ANKRD30A: variants seen among roughly 807,000 people sequenced by gnomAD.
ANKRD30A encodes the protein ankyrin repeat domain 30A.
In ANKRD30A, 170 loss-of-function variants were observed where a neutral mutation model predicts 166.3. The ratio of observed to expected loss-of-function variants is 1.02; its 90% CI spans 0.90 to 1.16. The LOEUF is 1.16. ANKRD30A is among the 50% of genes most tolerant of loss of function. The probability of loss-of-function intolerance (pLI) is 0.00; values close to 1 mark genes in which losing one functional copy is unlikely to be tolerated. For missense variants in ANKRD30A, 1,630 were observed against 1,518.0 expected (o/e 1.07, Z -1.23); for synonymous variants, 564 against 508.9 (o/e 1.11, Z -1.46).
chr10:37,242,405 A>G, the ANKRD30A span, among the ~76,000 whole-genome samples: 1 of 151,976 alleles, frequency 6.6e-6, no homozygotes, highest in Non-Finnish European at 1.5e-5. Context: ...CTCCTCTGTC[A>G]TGTTATTTTT....
chr10:37,157,647 A>T (rs566563407), intron 13 of ANKRD30A, among the ~76,000 whole-genome samples: 44 of 152,322 alleles, frequency 2.9e-4, no homozygotes, highest in African/African-American at 1.0e-3. Context: ...TGCTGGAATT[A>T]CAGGCATGAG....
intron 34 of ANKRD30A, among the ~76,000 whole-genome samples, chr10:37,221,473 A>C (rs931379228): frequency 6.6e-6 from 1 of 151,214 alleles, no homozygotes; most frequent in Non-Finnish European, 1.5e-5. Context: ...ATCAAAAGTC[A>C]AGTATGCATT....
At chr10:37,192,503 A>T (rs2490109) in intron 25 of ANKRD30A, among the ~76,000 whole-genome samples, 7 of 152,190 alleles carry the variant, frequency 4.6e-5, no homozygotes, top group East Asian at 3.9e-4. Flanking sequence ...TATAAGTAGA[A>T]ATGCTGCTAA....
intron 32 of ANKRD30A, 64 bp downstream of exon 32, chr10:37,216,458 T>C: frequency 2.8e-6 from 4 of 1,437,030 alleles, no homozygotes; most frequent in East Asian, 4.6e-5. Flanking sequence ...TAGGATACTT[T>C]TTGTAATAGC....
intron 1 of ANKRD30A, among the ~76,000 whole-genome samples, chr10:37,128,491 A>G (rs1836182211): frequency 6.6e-6 from 1 of 151,972 alleles, no homozygotes; most frequent in Non-Finnish European, 1.5e-5. Flanking sequence ...TTTTTATTAT[A>G]TATAGATTTA....
intron 12 of ANKRD30A, among the ~76,000 whole-genome samples, chr10:37,152,657 A>G (rs1265863248): frequency 6.6e-6 from 1 of 152,150 alleles, no homozygotes; most frequent in Non-Finnish European, 1.5e-5. Context: ...TTGTGGGAGT[A>G]TAATAACAAG....
Position 37,125,774 on chromosome 10 carries a change from A to T in ANKRD30A, c.-14A>T. 3.2e-6 allele frequency: 2 copies of T among 625,554 alleles called. No individual in the cohort carries two copies. Among genetic ancestry groups the T allele is most frequent in the Non-Finnish European group, 5.7e-6 (2 of 349,226 alleles). The allele number at this position is 625,554 out of a possible 1,614,324, so 38.8% of individuals were successfully genotyped here. A position where few individuals can be genotyped will look rare whatever the true frequency, so the allele number is the denominator to read the frequency against. On this transcript the variant is annotated 5_prime_UTR_variant, in exon 1 of 36. Coordinates refer to ENST00000361713, the MANE Select transcript of ANKRD30A (RefSeq NM_052997.3). Reference sequence around the variant, plus strand: ...TCGGGAGGCGCGGGCACTCTCTAGCAGGTGGCCGCAGCCATGGAGGAGATC... The same window carrying T: ...TCGGGAGGCGCGGGCACTCTCTAGCTGGTGGCCGCAGCCATGGAGGAGATC...
intron 12 of ANKRD30A, among the ~76,000 whole-genome samples, chr10:37,152,789 A>C (rs1404864979): frequency 6.6e-6 from 1 of 152,124 alleles, no homozygotes. Flanking sequence ...GATGTATTTT[A>C]AGGTCACAAC....
At chr10:37,240,190 G>T in the ANKRD30A span, among the ~76,000 whole-genome samples, 197 of 152,114 alleles carry the variant, frequency 1.3e-3, 1 homozygote, top group African/African-American at 4.6e-3. Context: ...GTATATTTAT[G>T]CCTCATTAAT....
At chr10:37,156,685 G>A (rs771899308) in intron 13 of ANKRD30A, among the ~76,000 whole-genome samples, 5 of 152,070 alleles carry the variant, frequency 3.3e-5, no homozygotes, top group Non-Finnish European at 7.4e-5. Flanking sequence ...GTGAGGATGT[G>A]TATTTCTCAC....
chr10:37,214,684 T>C (rs1842513259), intron 31 of ANKRD30A, among the ~76,000 whole-genome samples: 2 of 151,222 alleles, frequency 1.3e-5, no homozygotes, highest in African/African-American at 2.4e-5. Context: ...TAGTGGTTTT[T>C]TTAGGATTTA....
At chr10:37,198,553 A>G (rs1680002856) in intron 29 of ANKRD30A, among the ~76,000 whole-genome samples, 1 of 152,102 alleles carries the variant, frequency 6.6e-6, no homozygotes, top group African/African-American at 2.4e-5. Context: ...TCAATCATGC[A>G]TTCCACCAAG....
At chr10:37,200,918 G>A (rs1195297909) in intron 30 of ANKRD30A, among the ~76,000 whole-genome samples, 3 of 151,882 alleles carry the variant, frequency 2.0e-5, no homozygotes, top group African/African-American at 7.3e-5. Flanking sequence ...TTGTTGTTGA[G>A]GACGACAACA....
At chr10:37,144,240 A>C (rs1037417208) in intron 7 of ANKRD30A, among the ~76,000 whole-genome samples, 26 of 152,180 alleles carry the variant, frequency 1.7e-4, no homozygotes, top group African/African-American at 6.3e-4. Flanking sequence ...CATGGCTGTC[A>C]GTATTCCTTG....
intron 17 of ANKRD30A, 85 bp downstream of exon 17, chr10:37,162,933 T>C (rs544021543): frequency 1.3e-6 from 2 of 1,503,894 alleles, no homozygotes; most frequent in African/African-American, 1.4e-5. Context: ...TGGTTTATTT[T>C]TTTCAACTTT....
chr10:37,192,271 T>A (rs1424835870), intron 25 of ANKRD30A, among the ~76,000 whole-genome samples: 1 of 152,070 alleles, frequency 6.6e-6, no homozygotes, highest in East Asian at 1.9e-4. Flanking sequence ...TTGGAACTCC[T>A]GGCCTCCAGA....
chr10:37,245,365 T>C, the ANKRD30A span, among the ~76,000 whole-genome samples: 15 of 152,330 alleles, frequency 9.8e-5, no homozygotes, highest in South Asian at 3.1e-3. Flanking sequence ...ATTTTCTATA[T>C]ACACATACCA....
At chr10:37,139,691 C>A (rs568817949) in intron 6 of ANKRD30A, among the ~76,000 whole-genome samples, 4 of 152,144 alleles carry the variant, frequency 2.6e-5, no homozygotes, top group African/African-American at 4.8e-5. Context: ...GACTGAACTC[C>A]CACAATAACC....
chr10:37,236,805 T>A (rs908784903), downstream of ANKRD30A, among the ~76,000 whole-genome samples: 1 of 152,242 alleles, frequency 6.6e-6, no homozygotes, highest in African/African-American at 2.4e-5. Flanking sequence ...AATTCATTTA[T>A]TAATTGATTT....
Sources: allele counts gnomAD v4.1 joint callset (sites outside exome capture counted in the v4.1 genomes callset), GRCh38; gene constraint gnomAD v4.1.1; transcripts MANE v1.5; gene names NCBI Gene and HGNC (gene_info 2026-07-23, HGNC 2026-07-21).